Variants in GRB14 observed in about 807,000 individuals in gnomAD.
The protein encoded by GRB14 is growth factor receptor bound protein 14, also known as growth factor receptor-bound protein 14.
GRB14 carries 38 observed loss-of-function variants against 69.1 expected under a neutral mutation model. The ratio of observed to expected loss-of-function variants is 0.55; its 90% CI spans 0.42 to 0.72. GRB14 has a LOEUF of 0.72. Among genes scored for constraint, GRB14 ranks in the 30% least tolerant of loss-of-function variants. The pLI, the probability that GRB14 is intolerant of heterozygous loss-of-function variation, is 0.00. For missense variants in GRB14, 666 were observed against 666.1 expected, an observed-to-expected ratio of 1.00 and a Z score of 0.00; for synonymous variants, 247 against 241.3, an observed-to-expected ratio of 1.02 and a Z score of -0.22.
intron 3 of GRB14, among the ~76,000 whole-genome samples, chr2:164,528,319 GAGAAA>G (rs1687834525): frequency 2.0e-5 from 3 of 151,952 alleles, no homozygotes; most frequent in Admixed American, 1.3e-4. Context: ...ATAAAAGGTG[GAGAAA>G]AGAAAAGAAA....
In GRB14 at chr2:164,595,893, A is replaced by C. The variant is rs930427691; in HGVS notation, c.324+23794T>G. On this transcript the variant is annotated intron_variant, in intron 2 of 13. Coordinates refer to ENST00000263915, the MANE Select transcript of GRB14 (RefSeq NM_004490.3). ...GTAATCCCAGCACTTTGGGAGGCCA[A>C]GGCGGGCGAATGACAAGATCAGGAG... 9.2e-5 allele frequency among the ~76,000 whole-genome samples: 14 copies of C among 152,314 alleles called. No individual in the cohort carries two copies. The South Asian group carries it at 1.7e-3, about 18-fold the overall frequency.
At chr2:164,617,782 T>TA (rs997674671) in intron 2 of GRB14, among the ~76,000 whole-genome samples, 2 of 152,100 alleles carry the variant, frequency 1.3e-5, no homozygotes, top group African/African-American at 4.8e-5. Context: ...CTTTTAAATA[T>TA]ATCTTGCATG....
Position 164,493,210 on chromosome 2 carries a change from A to G in GRB14, c.1477-28T>C, listed in dbSNP as rs1304131350. 4 of 1,601,584 alleles carry G rather than the reference A, an allele frequency of 2.5e-6. No individual in the cohort carries two copies. The South Asian group carries it at 3.3e-5, about 13-fold the overall frequency. On this transcript the variant is annotated intron_variant, in intron 13 of 13. Transcript: ENST00000263915. ...GCAAAAAGAAAAGCAACAAATAAGT[A>G]AAGAGGATAAATTACACAGAAGGAC...
intron 2 of GRB14, among the ~76,000 whole-genome samples, chr2:164,583,327 A>AG (rs1409271185): frequency 6.6e-6 from 1 of 152,246 alleles, no homozygotes; most frequent in Non-Finnish European, 1.5e-5. Flanking sequence ...AGAAAAAAAA[A>AG]GGAGAGTAAA....
At chr2:164,567,837 C>G (rs1472749667) in intron 2 of GRB14, among the ~76,000 whole-genome samples, 1 of 152,026 alleles carries the variant, frequency 6.6e-6, no homozygotes, top group Non-Finnish European at 1.5e-5. Flanking sequence ...TGGGTAGAAA[C>G]CTGAGAATAA....
chr2:164,580,918 C>A (rs987527817), intron 2 of GRB14, among the ~76,000 whole-genome samples: 3 of 152,140 alleles, frequency 2.0e-5, no homozygotes, highest in Admixed American at 6.5e-5. Context: ...CTTTATATCC[C>A]TCTACCCATT....
chr2:164,560,817 G>C (rs1688808141), intron 2 of GRB14, among the ~76,000 whole-genome samples: 1 of 152,018 alleles, frequency 6.6e-6, no homozygotes, highest in African/African-American at 2.4e-5. Flanking sequence ...GTCTGATTAG[G>C]AGGCTTTCTG....
chr2:164,497,900 G>A (rs1686946698), intron 9 of GRB14, among the ~76,000 whole-genome samples: 1 of 152,118 alleles, frequency 6.6e-6, no homozygotes, highest in African/African-American at 2.4e-5. Context: ...TCTCCATTAA[G>A]CTTTGAGATC....
At chr2:164,500,644 G>A (rs960599189) in intron 9 of GRB14, among the ~76,000 whole-genome samples, 5 of 152,036 alleles carry the variant, frequency 3.3e-5, no homozygotes, top group African/African-American at 7.2e-5. Flanking sequence ...TATTAAAGAT[G>A]TAATTCTCAC....
At chr2:164,597,386 T>G (rs1315802571) in intron 2 of GRB14, among the ~76,000 whole-genome samples, 1 of 152,132 alleles carries the variant, frequency 6.6e-6, no homozygotes, top group African/African-American at 2.4e-5. Flanking sequence ...GCTAAGCATT[T>G]CAAAATTATG....
At chr2:164,513,612 T>C (rs1207991133) in intron 6 of GRB14, among the ~76,000 whole-genome samples, 1 of 152,084 alleles carries the variant, frequency 6.6e-6, no homozygotes, top group South Asian at 2.1e-4. Flanking sequence ...AAATAATGGA[T>C]GTACATTTCT....
At chr2:164,496,332 A>AAAGT in intron 12 of GRB14, among the ~76,000 whole-genome samples, 1 of 152,320 alleles carries the variant, frequency 6.6e-6, no homozygotes, top group South Asian at 2.1e-4. Context: ...AGTATTATAG[A>AAAGT]AAGTATCTGA....
intron 2 of GRB14, among the ~76,000 whole-genome samples, chr2:164,549,791 G>T (rs1009917396): frequency 2.6e-5 from 4 of 151,824 alleles, no homozygotes; most frequent in Non-Finnish European, 5.9e-5. Flanking sequence ...TTGAACCTGG[G>T]AGGCGGAGGT....
At chr2:164,580,350 C>T (rs1435867405) in intron 2 of GRB14, among the ~76,000 whole-genome samples, 2 of 151,300 alleles carry the variant, frequency 1.3e-5, no homozygotes, top group Non-Finnish European at 3.0e-5. Flanking sequence ...GCCTCAGCTT[C>T]CCAAAGTGCT....
At chr2:164,561,147 C>G (rs1411975563) in intron 2 of GRB14, among the ~76,000 whole-genome samples, 1 of 152,056 alleles carries the variant, frequency 6.6e-6, no homozygotes, top group East Asian at 1.9e-4. Flanking sequence ...GTACAGTGTG[C>G]AAAATCATGA....
At chr2:164,606,015 A>G (rs1690031752) in intron 2 of GRB14, among the ~76,000 whole-genome samples, 2 of 152,232 alleles carry the variant, frequency 1.3e-5, no homozygotes. Context: ...TCTGAGGCGT[A>G]TAATTTGTTC....
At chr2:164,619,615 C>T (rs1303169771) in intron 2 of GRB14, 72 bp downstream of exon 2, 13 of 996,538 alleles carry the variant, frequency 1.3e-5, no homozygotes, top group African/African-American at 6.5e-5. Flanking sequence ...CTGTAAATTA[C>T]GGAACACCTT....
At chr2:164,514,605 T>C (rs1425171185) in intron 6 of GRB14, among the ~76,000 whole-genome samples, 1 of 152,076 alleles carries the variant, frequency 6.6e-6, no homozygotes, top group Non-Finnish European at 1.5e-5. Context: ...TGGGGAGGGC[T>C]GCCAGAGGAA....
At chr2:164,557,406 C>T (rs752370947) in intron 2 of GRB14, among the ~76,000 whole-genome samples, 16 of 151,758 alleles carry the variant, frequency 1.1e-4, no homozygotes, top group Admixed American at 2.6e-4. Context: ...AAGTTGGCAA[C>T]GTAGAAATAA....
Sources: allele counts gnomAD v4.1 joint callset (sites outside exome capture counted in the v4.1 genomes callset), GRCh38; gene constraint gnomAD v4.1.1; transcripts MANE v1.5; gene names NCBI Gene and HGNC (gene_info 2026-07-23, HGNC 2026-07-21).